Variants in HS3ST5 observed in about 807,000 individuals in gnomAD.
HS3ST5 encodes heparan sulfate-glucosamine 3-sulfotransferase 5, also known as heparan sulfate glucosamine 3-O-sulfotransferase 5.
Under a neutral mutation model 25.4 loss-of-function variants are expected in HS3ST5, and 10 were observed. That is an observed-to-expected ratio of 0.39 (90% CI 0.24 to 0.67). The LOEUF is 0.67. Among genes scored for constraint, HS3ST5 ranks in the 30% least tolerant of loss-of-function variants. The probability of loss-of-function intolerance (pLI) is 0.44; values close to 1 mark genes in which losing one functional copy is unlikely to be tolerated. For synonymous variants in HS3ST5, 170 were observed against 162.4 expected (o/e 1.05, Z -0.36); for missense variants, 324 against 420.7 (o/e 0.77, Z 2.01).
intron 3 of HS3ST5, among the ~76,000 whole-genome samples, chr6:114,155,968 C>G (rs1029704428): frequency 6.6e-6 from 1 of 151,944 alleles, no homozygotes; most frequent in African/African-American, 2.4e-5. Flanking sequence ...TAACAGCCAC[C>G]AGGAAAAAAA....
intron 3 of HS3ST5, among the ~76,000 whole-genome samples, chr6:114,102,385 G>T (rs142687617): frequency 5.6e-4 from 86 of 152,274 alleles, no homozygotes; most frequent in African/African-American, 2.0e-3. Context: ...GAGCTGATTT[G>T]TGGATCTGGA....
In HS3ST5 at chr6:114,057,211, T is replaced by G; in HGVS notation, c.*46A>C. 1.5e-6 allele frequency: 2 copies of G among 1,293,192 alleles called. No individual in the cohort carries two copies. Among genetic ancestry groups the G allele is most frequent in the Non-Finnish European group, 1.1e-6 (1 of 910,524 alleles). The allele number at this position is 1,293,192 out of a possible 1,614,324, so 80.1% of individuals were successfully genotyped here. A position where few individuals can be genotyped will look rare whatever the true frequency, so the allele number is the denominator to read the frequency against. On this transcript the variant is annotated 3_prime_UTR_variant, in exon 5 of 5. Transcript: ENST00000312719. ...TGCATATTTTAATCTACAGGAGACA[T>G]TGTGTGTCTCCAGGCACAACACATA...
chr6:114,261,232 A>G (rs1419092056), intron 1 of HS3ST5, among the ~76,000 whole-genome samples: 2 of 152,200 alleles, frequency 1.3e-5, no homozygotes, highest in African/African-American at 4.8e-5. Flanking sequence ...TAGAATGGGA[A>G]AAGTTCAGGG....
chr6:114,103,857 A>ATTTTTTTTTTTTTTTTTTT (rs71553394), intron 3 of HS3ST5, among the ~76,000 whole-genome samples: 33 of 107,118 alleles, frequency 3.1e-4, no homozygotes, highest in African/African-American at 6.3e-4. Context: ...CACCTGGCTA[A>ATTTTTTTTTTTTTTTTTTT]TTTTTTTTTT....
rs538233328 is a variant in HS3ST5, at chr6:114,072,544, G to C, written c.-32-9667C>G. ...TTTTACTATTACCTATGGTCTTGAG[G>C]TTAAGTCTGTTGCATCTGTACAATG... On this transcript the variant is annotated intron_variant, in intron 3 of 4. Transcript: ENST00000312719. 9.9e-5 allele frequency among the ~76,000 whole-genome samples: 15 copies of C among 152,162 alleles called. No homozygotes were observed. In the South Asian group the frequency reaches 3.1e-3, roughly 32 times the overall value.
chr6:114,327,682 A>C (rs2114903823), intron 1 of HS3ST5, among the ~76,000 whole-genome samples: 1 of 152,268 alleles, frequency 6.6e-6, no homozygotes, highest in South Asian at 2.1e-4. Flanking sequence ...AGACTTTTAG[A>C]CTACCAGTAA....
intron 1 of HS3ST5, among the ~76,000 whole-genome samples, chr6:114,333,799 A>G (rs1776500886): frequency 6.6e-6 from 1 of 152,112 alleles, no homozygotes; most frequent in South Asian, 2.1e-4. Flanking sequence ...CACATCTATC[A>G]AGACAATGGG....
intron 2 of HS3ST5, among the ~76,000 whole-genome samples, chr6:114,220,426 T>C (rs1781976508): frequency 1.3e-5 from 2 of 152,160 alleles, no homozygotes; most frequent in Admixed American, 1.3e-4. Flanking sequence ...GTGAGTTATG[T>C]AATTTTCCCA....
intron 1 of HS3ST5, among the ~76,000 whole-genome samples, chr6:114,315,230 A>C (rs571973693): frequency 1.3e-5 from 2 of 152,182 alleles, no homozygotes; most frequent in African/African-American, 4.8e-5. Context: ...TACCTATTTT[A>C]GCATTATTTA....
At chr6:114,196,648 G>A (rs1484561856) in intron 2 of HS3ST5, among the ~76,000 whole-genome samples, 1 of 144,290 alleles carries the variant, frequency 6.9e-6, no homozygotes, top group African/African-American at 2.6e-5. Context: ...CCAGGCTGGA[G>A]CTCCACAAAA....
chr6:114,151,086 A>G (rs1778428570), intron 3 of HS3ST5, among the ~76,000 whole-genome samples: 1 of 152,186 alleles, frequency 6.6e-6, no homozygotes, highest in Non-Finnish European at 1.5e-5. Context: ...GCTGACTCTG[A>G]TAGAATGAAG....
At chr6:114,330,447 T>C (rs1776347873) in intron 1 of HS3ST5, among the ~76,000 whole-genome samples, 1 of 152,180 alleles carries the variant, frequency 6.6e-6, no homozygotes, top group Admixed American at 6.5e-5. Context: ...GTTACTGTCA[T>C]GTTTCCTGCT....
At position 114,342,460 on chromosome 6, in the gene HS3ST5, G is replaced by C. The variant is rs556216696; in HGVS notation, c.-604C>G. The C allele has an allele frequency of 2.6e-3, 482 of 185,816 alleles. 2 individuals are homozygous for C. The highest frequency in any genetic ancestry group is 0.011 in the African/African-American group (447 of 41,946). 11.5% of individuals were successfully genotyped at this position (185,816 alleles called of 1,614,324 possible). On this transcript the variant is annotated 5_prime_UTR_variant, in exon 1 of 5. Transcript: ENST00000312719. ...CGGCGGCGGCGGCGAGGTCTGAGGC[G>C]GGGAGCCGGGCGGGGGGGCAGGCGG...
chr6:114,308,386 C>A (rs1775386795), intron 1 of HS3ST5, among the ~76,000 whole-genome samples: 1 of 152,064 alleles, frequency 6.6e-6, no homozygotes, highest in Non-Finnish European at 1.5e-5. Flanking sequence ...GAGATCGAGA[C>A]CGTCATGGCT....
intron 3 of HS3ST5, among the ~76,000 whole-genome samples, chr6:114,111,911 C>T (rs144875989): frequency 1.3e-5 from 2 of 152,118 alleles, no homozygotes; most frequent in Non-Finnish European, 2.9e-5. Context: ...TTCCAGTACT[C>T]CACTCCAGAA....
At chr6:114,060,260 C>T (rs977466211) in intron 4 of HS3ST5, among the ~76,000 whole-genome samples, 1 of 152,214 alleles carries the variant, frequency 6.6e-6, no homozygotes, top group Non-Finnish European at 1.5e-5. Flanking sequence ...GATTCGCCTG[C>T]CTCAGCCTCC....
intron 1 of HS3ST5, among the ~76,000 whole-genome samples, chr6:114,325,419 G>A (rs1776134573): frequency 6.6e-6 from 1 of 152,156 alleles, no homozygotes; most frequent in Admixed American, 6.6e-5. Flanking sequence ...TGATGAAAGT[G>A]TTATTTCTTT....
intron 1 of HS3ST5, among the ~76,000 whole-genome samples, chr6:114,288,111 T>C (rs149380002): frequency 1.3e-5 from 2 of 152,238 alleles, no homozygotes; most frequent in East Asian, 3.9e-4. Flanking sequence ...GTATAATACA[T>C]AGAATATACA....
chr6:114,140,016 G>A (rs1777825717), intron 3 of HS3ST5, among the ~76,000 whole-genome samples: 1 of 152,184 alleles, frequency 6.6e-6, no homozygotes, highest in Non-Finnish European at 1.5e-5. Flanking sequence ...TTTCCTGAGT[G>A]ATGGATACAA....
Sources: allele counts gnomAD v4.1 joint callset (sites outside exome capture counted in the v4.1 genomes callset), GRCh38; gene constraint gnomAD v4.1.1; transcripts MANE v1.5; gene names NCBI Gene and HGNC (gene_info 2026-07-23, HGNC 2026-07-21).